The following EPHA6 variants were observed in gnomAD, a reference collection of about 807,000 sequenced individuals.
The protein encoded by EPHA6 is ephrin type-A receptor 6.
A neutral mutation model predicts 112.0 loss-of-function variants in EPHA6; 50 were observed. That is an observed-to-expected ratio of 0.45 (90% CI 0.36 to 0.56). The LOEUF (loss-of-function observed/expected upper bound fraction) is 0.56, where lower values mean the gene tolerates loss of function less well. Ranked by LOEUF, EPHA6 falls within the 20% of genes least tolerant of loss-of-function variation. EPHA6 has a pLI of 0.00. For synonymous variants in EPHA6, 529 were observed against 490.7 expected, an observed-to-expected ratio of 1.08 and a Z score of -1.03; for missense variants, 1,280 against 1,417.4, an observed-to-expected ratio of 0.90 and a Z score of 1.56.
chr3:96,883,074 T>A (rs531362889), intron 2 of EPHA6, among the ~76,000 whole-genome samples: 1 of 152,304 alleles, frequency 6.6e-6, no homozygotes, highest in South Asian at 2.1e-4. Flanking sequence ...GTTCACTGCA[T>A]CCATGGCAAC....
intron 2 of EPHA6, among the ~76,000 whole-genome samples, chr3:96,878,430 A>T (rs999549915): frequency 6.6e-6 from 1 of 152,068 alleles, no homozygotes; most frequent in African/African-American, 2.4e-5. Flanking sequence ...ATGCTAAGGC[A>T]TGCCATTATT....
intron 6 of EPHA6, among the ~76,000 whole-genome samples, chr3:97,430,679 A>C (rs2089451274): frequency 6.6e-6 from 1 of 152,176 alleles, no homozygotes; most frequent in South Asian, 2.1e-4. Flanking sequence ...CAAGAAGACT[A>C]AATTCATTAC....
intron 5 of EPHA6, among the ~76,000 whole-genome samples, chr3:97,270,989 T>G (rs1420154744): frequency 1.3e-5 from 2 of 152,206 alleles, no homozygotes; most frequent in Non-Finnish European, 2.9e-5. Flanking sequence ...GGAAAAGAAG[T>G]ATATAGCCCT....
chr3:97,041,763 T>A (rs1477048518), intron 3 of EPHA6, among the ~76,000 whole-genome samples: 1 of 152,004 alleles, frequency 6.6e-6, no homozygotes, highest in African/African-American at 2.4e-5. Context: ...GAAAGTCTTA[T>A]ATGGCCAGAG....
chr3:97,108,831 C>G (rs2047641234), intron 3 of EPHA6, among the ~76,000 whole-genome samples: 1 of 152,136 alleles, frequency 6.6e-6, no homozygotes. Context: ...CAGGTGTTAA[C>G]ATGTGTTCTA....
intron 13 of EPHA6, among the ~76,000 whole-genome samples, chr3:97,625,328 A>T (rs2093846745): frequency 6.6e-6 from 1 of 151,680 alleles, no homozygotes; most frequent in South Asian, 2.1e-4. Context: ...TTTATTGTTT[A>T]TACACAAATT....
At chr3:97,116,864 C>A (rs1441626558) in intron 3 of EPHA6, among the ~76,000 whole-genome samples, 1 of 151,564 alleles carries the variant, frequency 6.6e-6, no homozygotes, top group African/African-American at 2.4e-5. Context: ...AGTGGGATTG[C>A]TGGATCATAT....
At chr3:97,398,804 C>T (rs1019889261) in intron 5 of EPHA6, among the ~76,000 whole-genome samples, 1 of 151,104 alleles carries the variant, frequency 6.6e-6, no homozygotes, top group Non-Finnish European at 1.5e-5. Context: ...ATATTTTTGC[C>T]TCATGAATTC....
chr3:97,440,721 A>G (rs989540135), intron 6 of EPHA6, among the ~76,000 whole-genome samples: 5 of 151,744 alleles, frequency 3.3e-5, no homozygotes, highest in Non-Finnish European at 7.4e-5. Flanking sequence ...AATAAATTAG[A>G]AGGAATGAGC....
chr3:97,648,592 T>C, intron 14 of EPHA6: 1 of 1,164,378 alleles, frequency 8.6e-7, no homozygotes, highest in Non-Finnish European at 1.1e-6. Flanking sequence ...TGCCTTTAAG[T>C]ACTTTCATTA....
chr3:97,315,090 TTC>T (rs1411749941), intron 5 of EPHA6, among the ~76,000 whole-genome samples: 4 of 150,666 alleles, frequency 2.7e-5, no homozygotes, highest in Non-Finnish European at 5.9e-5. Flanking sequence ...GAAAAAAAAG[TTC>T]TCTCTGCAGA....
intron 2 of EPHA6, among the ~76,000 whole-genome samples, chr3:96,973,898 A>G (rs1226804642): frequency 1.4e-5 from 2 of 146,196 alleles, no homozygotes; most frequent in Non-Finnish European, 3.0e-5. Flanking sequence ...ATATTATATA[A>G]TATATGATAT....
chr3:97,072,089 C>G (rs1049952250), intron 3 of EPHA6, among the ~76,000 whole-genome samples: 1 of 152,048 alleles, frequency 6.6e-6, no homozygotes, highest in Non-Finnish European at 1.5e-5. Context: ...AAGATACTTG[C>G]ACATGCATGT....
At chr3:97,462,225 A>G (rs186991896) in intron 7 of EPHA6, among the ~76,000 whole-genome samples, 50 of 152,280 alleles carry the variant, frequency 3.3e-4, no homozygotes, top group Non-Finnish European at 6.2e-4. Context: ...TTTGAAGACT[A>G]AATGAGTTAA....
chr3:96,991,989 T>C (rs532951742), intron 3 of EPHA6, among the ~76,000 whole-genome samples: 1 of 152,208 alleles, frequency 6.6e-6, no homozygotes, highest in East Asian at 1.9e-4. Flanking sequence ...AGAGCCCAGT[T>C]CTGCTCCCTG....
At chr3:97,746,101 ATTGTCT>A (rs2035704561) in intron 16 of EPHA6, among the ~76,000 whole-genome samples, 1 of 151,896 alleles carries the variant, frequency 6.6e-6, no homozygotes, top group Admixed American at 6.6e-5. Flanking sequence ...TATGGCTCTA[ATTGTCT>A]TTGTAGATTC....
intron 3 of EPHA6, among the ~76,000 whole-genome samples, chr3:97,180,041 G>A (rs1421481052): frequency 6.6e-6 from 1 of 152,026 alleles, no homozygotes; most frequent in Non-Finnish European, 1.5e-5. Flanking sequence ...AGGGACAAGA[G>A]CCAAAAACCT....
chr3:96,834,277 T>C (rs1430068430), intron 1 of EPHA6, among the ~76,000 whole-genome samples: 1 of 152,020 alleles, frequency 6.6e-6, no homozygotes, highest in Non-Finnish European at 1.5e-5. Context: ...CAATGCATAG[T>C]GACCATAATG....
chr3:96,979,224 A>T (rs1310340821), intron 2 of EPHA6, among the ~76,000 whole-genome samples: 1 of 64,286 alleles, frequency 1.6e-5, no homozygotes, highest in Non-Finnish European at 3.1e-5. Flanking sequence ...CCACCCCACC[A>T]CAGGCCCCGG....
Sources: gnomAD v4.1 joint callset for allele counts (sites outside exome capture counted in the v4.1 genomes callset) on GRCh38, gnomAD v4.1.1 for gene constraint, MANE v1.5 for transcripts, NCBI Gene and HGNC (gene_info 2026-07-23, HGNC 2026-07-21) for gene names.